Variants in GRID2 observed in about 807,000 individuals in gnomAD.
The protein encoded by GRID2 is glutamate receptor ionotropic, delta-2.
Under a neutral mutation model 114.8 loss-of-function variants are expected in GRID2, and 33 were observed. The ratio of observed to expected loss-of-function variants is 0.29; its 90% CI spans 0.22 to 0.38. The LOEUF (loss-of-function observed/expected upper bound fraction) is 0.38. GRID2 is among the 10% of genes least tolerant of loss of function. The pLI, the probability that GRID2 is intolerant of heterozygous loss-of-function variation, is 1.00. For synonymous variants in GRID2, 505 were observed against 449.9 expected, an observed-to-expected ratio of 1.12 and a Z score of -1.55; for missense variants, 1,184 against 1,257.7, an observed-to-expected ratio of 0.94 and a Z score of 0.89.
chr4:92,535,852 C>T (rs1260628183), intron 1 of GRID2, among the ~76,000 whole-genome samples: 2 of 152,084 alleles, frequency 1.3e-5, no homozygotes, highest in African/African-American at 2.4e-5. Flanking sequence ...TTGCTCACTT[C>T]AGCAGTGAAG....
At chr4:92,411,655 GTATATATATATA>G (rs70940887) in intron 1 of GRID2, among the ~76,000 whole-genome samples, 31 of 84,694 alleles carry the variant, frequency 3.7e-4, no homozygotes, top group African/African-American at 1.6e-3. Context: ...GTGTGTGTGT[GTATATATATATA>G]TATATATATA....
At chr4:93,665,291 C>T (rs1358476353) in intron 14 of GRID2, among the ~76,000 whole-genome samples, 1 of 152,060 alleles carries the variant, frequency 6.6e-6, no homozygotes, top group Non-Finnish European at 1.5e-5. Context: ...TTATATAGTC[C>T]CTCAGATGGT....
chr4:92,857,787 T>C (rs910499145), intron 2 of GRID2, among the ~76,000 whole-genome samples: 2 of 152,170 alleles, frequency 1.3e-5, no homozygotes, highest in Non-Finnish European at 2.9e-5. Context: ...AGCCTGATAT[T>C]GGATAAACAT....
chr4:93,403,876 A>G (rs1323812528), intron 9 of GRID2, among the ~76,000 whole-genome samples: 1 of 152,188 alleles, frequency 6.6e-6, no homozygotes, highest in Admixed American at 6.6e-5. Flanking sequence ...CACTGTATAT[A>G]TAATCCCAAG....
chr4:93,599,128 G>A (rs1044181382), intron 13 of GRID2, among the ~76,000 whole-genome samples: 5 of 152,066 alleles, frequency 3.3e-5, no homozygotes, highest in Non-Finnish European at 7.4e-5. Flanking sequence ...TTCACTTCTG[G>A]TCTGACACCG....
intron 1 of GRID2, among the ~76,000 whole-genome samples, chr4:92,323,884 T>C (rs1726456730): frequency 6.6e-6 from 1 of 152,032 alleles, no homozygotes; most frequent in African/African-American, 2.4e-5. Context: ...GGTAGGAATT[T>C]TTTGAATACT....
intron 11 of GRID2, among the ~76,000 whole-genome samples, chr4:93,485,529 G>A (rs114648733): frequency 2.0e-5 from 3 of 151,444 alleles, no homozygotes; most frequent in African/African-American, 7.3e-5. Context: ...TATATCTATA[G>A]GCTGCATGGT....
At chr4:93,152,083 G>A (rs901905383) in intron 4 of GRID2, among the ~76,000 whole-genome samples, 16 of 152,050 alleles carry the variant, frequency 1.1e-4, no homozygotes, top group Admixed American at 9.2e-4. Context: ...AACATTCAAG[G>A]AAGGGCACAA....
rs562798713 is a variant in GRID2, at chr4:92,407,194, C to T, written c.88+102450C>T. On this transcript the variant is annotated intron_variant, in intron 1 of 15. Coordinates refer to ENST00000282020, the MANE Select transcript of GRID2 (RefSeq NM_001510.4). ...GGAAACTGCCCCCATAATCCGAACA[C>T]CTCCCACCAGGTCCCTTCCTCAACA... Among the ~76,000 whole-genome samples, 10 of 152,230 alleles carry T rather than the reference C, an allele frequency of 6.6e-5. No homozygotes were observed. The South Asian group carries it at 1.9e-3, about 28-fold the overall frequency.
chr4:93,032,854 G>A (rs907196809), intron 2 of GRID2, among the ~76,000 whole-genome samples: 4 of 152,140 alleles, frequency 2.6e-5, no homozygotes, highest in Admixed American at 6.5e-5. Flanking sequence ...ATGGGATACA[G>A]GACAGCTGAG....
intron 2 of GRID2, among the ~76,000 whole-genome samples, chr4:92,816,953 A>T (rs914096293): frequency 5.3e-5 from 8 of 152,132 alleles, no homozygotes; most frequent in African/African-American, 1.9e-4. Flanking sequence ...ATAACTACCT[A>T]GCTGCCCTTC....
In GRID2 at chr4:92,334,196, C is replaced by A. The variant is rs189428230; in HGVS notation, c.88+29452C>A. ...TCTGTCTTAGACCTCATTGGAACTG[C>A]CTTTGCCATCCATATTTCCACCAAC... On this transcript the variant is annotated intron_variant, in intron 1 of 15. Transcript: ENST00000282020. Among the ~76,000 whole-genome samples, 25 of 152,300 alleles carry A rather than the reference C, an allele frequency of 1.6e-4. No individual in the cohort carries two copies. The East Asian group carries it at 4.8e-3, about 29-fold the overall frequency.
chr4:92,511,691 C>G (rs35961796), intron 1 of GRID2, among the ~76,000 whole-genome samples: 8,881 of 151,702 alleles, frequency 0.059, 287 homozygotes, highest in East Asian at 0.085. Context: ...TGAATCAGTT[C>G]AAGAGAGGAA....
intron 2 of GRID2, among the ~76,000 whole-genome samples, chr4:92,592,712 G>T (rs1490785766): frequency 6.6e-6 from 1 of 151,874 alleles, no homozygotes; most frequent in African/African-American, 2.4e-5. Flanking sequence ...GGTCAGCTTT[G>T]GGTAATAAAC....
In GRID2 at chr4:92,939,017, A is replaced by G. The variant is rs974672749; in HGVS notation, c.245-145978A>G. Among the ~76,000 whole-genome samples, 15 of 146,726 alleles carry G rather than the reference A, an allele frequency of 1.0e-4. 1 individual carries two copies. Among genetic ancestry groups the G allele is most frequent in the African/African-American group, 2.7e-4 (11 of 40,778 alleles). ...CTTTGCTATTGTGAATAGTGCCGCA[A>G]TAAACATACATGTGTGGGTGTCTTT... On this transcript the variant is annotated intron_variant, in intron 2 of 15. Coordinates refer to ENST00000282020, the MANE Select transcript of GRID2 (RefSeq NM_001510.4).
At chr4:93,644,474 G>A (rs1322995082) in intron 14 of GRID2, among the ~76,000 whole-genome samples, 1 of 152,112 alleles carries the variant, frequency 6.6e-6, no homozygotes, top group Non-Finnish European at 1.5e-5. Context: ...ATCCAAAATA[G>A]TGGTTTTGAT....
intron 2 of GRID2, among the ~76,000 whole-genome samples, chr4:92,743,131 C>G (rs1736974029): frequency 6.6e-6 from 1 of 151,972 alleles, no homozygotes; most frequent in African/African-American, 2.4e-5. Flanking sequence ...ACAAAAATTA[C>G]CCTGGTATGA....
chr4:93,685,424 C>T (rs1290197980), intron 14 of GRID2, among the ~76,000 whole-genome samples: 1 of 152,046 alleles, frequency 6.6e-6, no homozygotes, highest in Non-Finnish European at 1.5e-5. Context: ...AGGTTCATTG[C>T]CAACTCTTTG....
At chr4:92,745,056 C>T (rs1161794509) in intron 2 of GRID2, among the ~76,000 whole-genome samples, 1 of 152,116 alleles carries the variant, frequency 6.6e-6, no homozygotes, top group Non-Finnish European at 1.5e-5. Flanking sequence ...GTTCCTTTCT[C>T]TGAAGTGTCA....
Sources: allele counts gnomAD v4.1 joint callset (sites outside exome capture counted in the v4.1 genomes callset), GRCh38; gene constraint gnomAD v4.1.1; transcripts MANE v1.5; gene names NCBI Gene and HGNC (gene_info 2026-07-23, HGNC 2026-07-21).